CRACD: variants seen among roughly 807,000 people sequenced by gnomAD.
CRACD encodes the protein capping protein inhibiting regulator of actin dynamics, also known as capping protein-inhibiting regulator of actin dynamics.
A neutral mutation model predicts 106.8 loss-of-function variants in CRACD; 56 were observed. The observed-to-expected ratio is 0.52, with a 90% CI of 0.42 to 0.66. The LOEUF (loss-of-function observed/expected upper bound fraction) is 0.66, where lower values mean the gene tolerates loss of function less well. Among genes scored for constraint, CRACD ranks in the 30% least tolerant of loss-of-function variants. The pLI, the probability that CRACD is intolerant of heterozygous loss-of-function variation, is 0.00. For missense variants in CRACD, 1,730 were observed against 1,623.2 expected (o/e 1.07, Z -1.13); for synonymous variants, 754 against 670.8 (o/e 1.12, Z -1.92).
At chr4:56,165,512 G>C (rs958139153) in intron 1 of CRACD, among the ~76,000 whole-genome samples, 1 of 152,196 alleles carries the variant, frequency 6.6e-6, no homozygotes, top group Admixed American at 6.5e-5. Context: ...CACACAGTTA[G>C]TATGCAGCAG....
chr4:56,158,874 A>G (rs1371530365), intron 1 of CRACD, among the ~76,000 whole-genome samples: 1 of 152,242 alleles, frequency 6.6e-6, no homozygotes, highest in Non-Finnish European at 1.5e-5. Context: ...CTCCAGAGAA[A>G]TACAAGCCTG....
At position 56,245,321 on chromosome 4, in the gene CRACD, A is replaced by G. The variant is rs569743455; in HGVS notation, c.-188-27000A>G. 2.6e-5 allele frequency among the ~76,000 whole-genome samples: 4 copies of G among 152,336 alleles called. No individual in the cohort carries two copies. In the South Asian group the frequency reaches 8.3e-4, roughly 32 times the overall value. On this transcript the variant is annotated intron_variant, in intron 2 of 10. Coordinates refer to ENST00000682029, the MANE Select transcript of CRACD (RefSeq NM_001393381.1). ...CAGTTACCATTGGTCTGTGGTTGCT[A>G]GCAATTTTATCACTTCTTTAGAATG... is the stretch of plus-strand genomic sequence containing the variant.
At chr4:56,053,524 T>A (rs1451233091) in intron 1 of CRACD, among the ~76,000 whole-genome samples, 1 of 152,162 alleles carries the variant, frequency 6.6e-6, no homozygotes, top group Non-Finnish European at 1.5e-5. Context: ...ACTTTTTTTT[T>A]ACATTTATAT....
intron 2 of CRACD, among the ~76,000 whole-genome samples, chr4:56,216,896 C>T (rs1410036523): frequency 1.4e-5 from 2 of 144,970 alleles, no homozygotes; most frequent in Non-Finnish European, 3.0e-5. Flanking sequence ...AGGAGAATGG[C>T]GTGAACCCGG....
intron 1 of CRACD, among the ~76,000 whole-genome samples, chr4:56,113,371 A>G (rs529753089): frequency 1.3e-5 from 2 of 152,340 alleles, no homozygotes; most frequent in South Asian, 4.1e-4. Context: ...AATAAATGTG[A>G]TGTCTAATGA....
chr4:56,327,853 C>T lies in CRACD; in HGVS notation c.*49C>T. On this transcript the variant is annotated 3_prime_UTR_variant, in exon 11 of 11. Coordinates refer to ENST00000682029, the MANE Select transcript of CRACD (RefSeq NM_001393381.1). ...CTGCCAGTTATTGGCTCCTCTCTTG[C>T]CCTTTTTATTTATTTATTTTTTATA... The T allele has an allele frequency of 6.7e-7, 1 of 1,501,462 alleles. No individual in the cohort carries two copies. Among genetic ancestry groups the T allele is most frequent in the Non-Finnish European group, 9.1e-7 (1 of 1,103,008 alleles). The allele number at this position is 1,501,462 out of a possible 1,614,324, so 93.0% of individuals were successfully genotyped here. A position where few individuals can be genotyped will look rare whatever the true frequency, so the allele number is the denominator to read the frequency against.
At chr4:56,089,991 A>G (rs1489568550) in intron 1 of CRACD, among the ~76,000 whole-genome samples, 1 of 152,184 alleles carries the variant, frequency 6.6e-6, no homozygotes, top group Non-Finnish European at 1.5e-5. Flanking sequence ...ATTTCATTTT[A>G]AAATAGTTTC....
intron 3 of CRACD, among the ~76,000 whole-genome samples, chr4:56,273,044 T>C (rs148085695): frequency 6.6e-5 from 10 of 152,228 alleles, no homozygotes; most frequent in Non-Finnish European, 1.2e-4. Context: ...TGGGCATTCA[T>C]TTCGCTGCTC....
chr4:56,065,454 A>G (rs1732434382), intron 1 of CRACD, among the ~76,000 whole-genome samples: 1 of 152,032 alleles, frequency 6.6e-6, no homozygotes, highest in Non-Finnish European at 1.5e-5. Context: ...CTCTGTAGTT[A>G]CTTGTTTGTG....
rs576059185 is a variant in CRACD, at chr4:56,157,793, C to G, written c.-335-21491C>G. 1.3e-4 allele frequency among the ~76,000 whole-genome samples: 20 copies of G among 152,270 alleles called. No individual in the cohort carries two copies. The South Asian group carries it at 4.1e-3, about 32-fold the overall frequency. On this transcript the variant is annotated intron_variant, in intron 1 of 10. Transcript: ENST00000682029. ...AAAATTCAGGGCCAGGATAACTTTGCCTTCCTGAGGCACTGTATGCCTCTC... is the reference window on the plus strand; with the variant it reads ...AAAATTCAGGGCCAGGATAACTTTGGCTTCCTGAGGCACTGTATGCCTCTC...
At chr4:56,074,754 G>A (rs763238138) in intron 1 of CRACD, among the ~76,000 whole-genome samples, 16 of 152,098 alleles carry the variant, frequency 1.1e-4, no homozygotes, top group Non-Finnish European at 5.9e-5. Flanking sequence ...GGGCATCCTT[G>A]TCTTGTGCCG....
At chr4:56,094,104 ATG>A (rs1037284084) in intron 1 of CRACD, among the ~76,000 whole-genome samples, 39 of 152,234 alleles carry the variant, frequency 2.6e-4, no homozygotes, top group African/African-American at 9.2e-4. Context: ...GTTAGAAAAA[ATG>A]TTTTACTGTT....
At chr4:56,199,662 A>C (rs1737787374) in intron 2 of CRACD, among the ~76,000 whole-genome samples, 1 of 149,670 alleles carries the variant, frequency 6.7e-6, no homozygotes, top group African/African-American at 2.5e-5. Context: ...AGCCTAGGCA[A>C]CAGAGCGAAA....
At chr4:56,257,616 GC>G (rs1204180756) in intron 2 of CRACD, among the ~76,000 whole-genome samples, 1 of 151,998 alleles carries the variant, frequency 6.6e-6, no homozygotes, top group African/African-American at 2.4e-5. Context: ...AATTGCTTGA[GC>G]TCAGGAGGTC....
chr4:56,095,024 G>A (rs545845373), intron 1 of CRACD, among the ~76,000 whole-genome samples: 1 of 152,142 alleles, frequency 6.6e-6, no homozygotes, highest in Admixed American at 6.5e-5. Flanking sequence ...CCGCCCTACT[G>A]GTAAACACTA....
At chr4:56,191,180 G>A (rs1161536135) in intron 2 of CRACD, among the ~76,000 whole-genome samples, 1 of 149,516 alleles carries the variant, frequency 6.7e-6, no homozygotes, top group East Asian at 2.6e-4. Flanking sequence ...AAACATAGTG[G>A]CTTAAAACAA....
rs925196351 is a variant in CRACD at position 56,073,436 on chromosome 4, A to G, written c.-336+24137A>G. On this transcript the variant is annotated intron_variant, in intron 1 of 10. Coordinates refer to ENST00000682029, the MANE Select transcript of CRACD (RefSeq NM_001393381.1). ...AAAGTGTCTATTCATATAATGGGTTAGCAACTTCTGTAATTATTATTGGTT... is the reference window on the plus strand; with the variant it reads ...AAAGTGTCTATTCATATAATGGGTTGGCAACTTCTGTAATTATTATTGGTT... Among the ~76,000 whole-genome samples, 4 of 152,258 alleles carry G rather than the reference A, an allele frequency of 2.6e-5. No homozygotes were observed. The South Asian group carries it at 8.3e-4, about 32-fold the overall frequency.
At chr4:56,218,907 G>A (rs993326171) in intron 2 of CRACD, among the ~76,000 whole-genome samples, 1 of 152,136 alleles carries the variant, frequency 6.6e-6, no homozygotes, top group Admixed American at 6.5e-5. Flanking sequence ...ATAACATAGA[G>A]CAATACATTT....
Position 56,315,985 on chromosome 4 carries a change from T to C in CRACD, c.2483T>C (p.Ile828Thr). 1 of 1,614,166 alleles carries C rather than the reference T, an allele frequency of 6.2e-7. No individual in the cohort carries two copies. The highest frequency in any genetic ancestry group is 8.5e-7 in the Non-Finnish European group (1 of 1,180,036). ...TSSDSETANG[I>T]AKPDPVMPGG... ...TCGGACAGCGAGACTGCAAACGGGA[T>C]AGCAAAGCCAGACCCTGTGATGCCA... Residue 828 changes from isoleucine (I) to threonine (T), a missense_variant, in exon 8 of 11, where the codon ATA becomes ACA. By Grantham distance (89) the Ile-to-Thr change is moderately conservative. Around this residue, in one of 5 missense-constraint regions of CRACD, gnomAD observed 1,620 missense variants for 1,481.6 expected, o/e 1.09. Transcript: ENST00000682029. This position sits in a 1 kb window ranked among gnomAD's most constrained non-coding sequence, Gnocchi z 4.1.
Sources: gnomAD v4.1 joint callset for allele counts (sites outside exome capture counted in the v4.1 genomes callset) on GRCh38, gnomAD v4.1.1 for gene constraint, gnomAD v4.1.1 regional missense constraint, Gnocchi (gnomAD v3.1) non-coding constraint, MANE v1.5 for transcripts, NCBI Gene and HGNC (gene_info 2026-07-23, HGNC 2026-07-21) for gene names.